The following ZNF610 variants were observed in gnomAD, a reference collection of about 807,000 sequenced individuals.
ZNF610 encodes the protein zink finger protein.
In ZNF610, 14 loss-of-function variants were observed where a neutral mutation model predicts 14.1. The observed-to-expected ratio is 0.99, with a 90% confidence interval of 0.65 to 1.55. The LOEUF (loss-of-function observed/expected upper bound fraction) is 1.55. Among genes scored for constraint, ZNF610 ranks in the 40% most tolerant of loss-of-function variants. The probability of loss-of-function intolerance (pLI) is 0.00; values close to 1 mark genes in which losing one functional copy is unlikely to be tolerated. For missense variants in ZNF610, 530 were observed against 558.0 expected (o/e 0.95, Z 0.51); for synonymous variants, 185 against 187.6 (o/e 0.99, Z 0.11).
chr19:52,352,184 T>TTG (rs1482433470), intron 3 of ZNF610, among the ~76,000 whole-genome samples: 2 of 152,078 alleles, frequency 1.3e-5, no homozygotes, highest in African/African-American at 2.4e-5. Context: ...AGGATGTTTC[T>TTG]TGTGTGTGTG....
intron 2 of ZNF610, 24 bp from the exon 3 acceptor site, chr19:52,349,130 A>G: frequency 6.4e-7 from 1 of 1,560,946 alleles, no homozygotes; most frequent in Non-Finnish European, 8.8e-7. Context: ...TCCGAGCAGT[A>G]ATCAGTGTAT....
intron 5 of ZNF610, among the ~76,000 whole-genome samples, chr19:52,364,348 T>A (rs1985921015): frequency 6.6e-6 from 1 of 152,190 alleles, no homozygotes; most frequent in Non-Finnish European, 1.5e-5. Context: ...CCATATTTGA[T>A]CATTTATTGA....
Position 52,366,044 on chromosome 19 carries a change from T to A in ZNF610, c.666T>A (p.His222Gln). Residue 222 changes from histidine to glutamine, a missense_variant, in exon 6 of 6, where the codon CAT becomes CAA. Coordinates refer to ENST00000403906, the MANE Select transcript of ZNF610 (RefSeq NM_001161425.2). The part of the protein sequence containing the change: ...VFRVRASLTN[H>Q]QVIHTAEKPY... ...GAGTCCGTGCAAGCCTTACTAACCATCAAGTAATCCATACTGCAGAGAAAC... is the reference window on the plus strand; with the variant it reads ...GAGTCCGTGCAAGCCTTACTAACCAACAAGTAATCCATACTGCAGAGAAAC... 1 of 1,614,080 alleles carries A rather than the reference T, an allele frequency of 6.2e-7. No individual in the cohort carries two copies. The highest frequency in any genetic ancestry group is 1.7e-5 in the Admixed American group (1 of 60,010).
intron 3 of ZNF610, among the ~76,000 whole-genome samples, chr19:52,352,834 GTTTT>G (rs11418927): frequency 1.3e-5 from 2 of 151,472 alleles, no homozygotes; most frequent in South Asian, 4.2e-4. Context: ...TTAATATCAT[GTTTT>G]TTTTGTTTGT....
intron 5 of ZNF610, among the ~76,000 whole-genome samples, chr19:52,355,172 C>G (rs1023030267): frequency 6.6e-6 from 1 of 152,126 alleles, no homozygotes; most frequent in East Asian, 1.9e-4. Flanking sequence ...GGGTCTCTTT[C>G]CCCTGTGGTC....
In ZNF610 at chr19:52,361,640, A is replaced by T. The variant is rs148849491; in HGVS notation, c.320-4058A>T. Among the ~76,000 whole-genome samples, 207 of 151,754 alleles carry T rather than the reference A, an allele frequency of 1.4e-3. 1 individual carries two copies. Among genetic ancestry groups the T allele is most frequent in the African/African-American group, 4.8e-3 (200 of 41,432 alleles). ...TTTAATTTAAAAATTTTTTTTTTCA[A>T]AAGAGACAGAGGTCTCATTATGTTG... is the stretch of plus-strand genomic sequence containing the variant. On this transcript the variant is annotated intron_variant, in intron 5 of 5. Transcript: ENST00000403906.
chr19:52,353,492 A>AC (rs1985360178), intron 3 of ZNF610, among the ~76,000 whole-genome samples, 190 bp from the exon 4 acceptor site: 1 of 152,034 alleles, frequency 6.6e-6, no homozygotes, highest in South Asian at 2.1e-4. Context: ...ACCTAGTAAA[A>AC]CCCCATCTGA....
upstream of ZNF610, among the ~76,000 whole-genome samples, chr19:52,335,270 A>T (rs1984324377): frequency 6.6e-6 from 1 of 151,860 alleles, no homozygotes. Context: ...ACAGAGCGAG[A>T]CTCCGTCTCA....
chr19:52,338,521 C>T (rs1352902759), intron 1 of ZNF610, among the ~76,000 whole-genome samples: 1 of 152,138 alleles, frequency 6.6e-6, no homozygotes. Context: ...CCCATCTCTA[C>T]TGAAAATACA....
intron 3 of ZNF610, 139 bp downstream of exon 3, chr19:52,349,374 C>T (rs1985133323): frequency 1.5e-6 from 2 of 1,352,512 alleles, no homozygotes; most frequent in East Asian, 2.4e-5. Context: ...TCTCTCGTGA[C>T]CCAGTGACAT....
intron 1 of ZNF610, among the ~76,000 whole-genome samples, chr19:52,342,520 C>CTT (rs761381882): frequency 1.7e-4 from 23 of 138,654 alleles, no homozygotes; most frequent in Non-Finnish European, 2.0e-4. Flanking sequence ...ATCTGTTTAA[C>CTT]TTTTTTTTTT....
chr19:52,360,960 G>A (rs934637809), intron 5 of ZNF610, among the ~76,000 whole-genome samples: 4 of 152,172 alleles, frequency 2.6e-5, no homozygotes, highest in Non-Finnish European at 5.9e-5. Flanking sequence ...ACATTTTTAA[G>A]AGTGTTGGTG....
chr19:52,342,595 T>C (rs1984738657), intron 1 of ZNF610, among the ~76,000 whole-genome samples: 1 of 151,040 alleles, frequency 6.6e-6, no homozygotes. Flanking sequence ...TCTCGGCTCA[T>C]TGGAACCTCT....
At chr19:52,356,605 TA>T (rs1245369120) in intron 5 of ZNF610, among the ~76,000 whole-genome samples, 1 of 152,212 alleles carries the variant, frequency 6.6e-6, no homozygotes, top group Non-Finnish European at 1.5e-5. Flanking sequence ...GGAGAGTCTC[TA>T]AAACTGACAC....
upstream of ZNF610, among the ~76,000 whole-genome samples, chr19:52,333,348 C>T (rs1210252057): frequency 2.0e-5 from 3 of 152,244 alleles, no homozygotes; most frequent in African/African-American, 7.2e-5. Context: ...CCTGCCCAGG[C>T]TGGCAACATC....
rs1393858879 is a variant in ZNF610, at chr19:52,366,791, A to G, written c.*24A>G. 6.4e-7 allele frequency: 1 copy of G among 1,564,232 alleles called. No individual in the cohort carries two copies. Among genetic ancestry groups the G allele is most frequent in the Non-Finnish European group, 8.8e-7 (1 of 1,142,534 alleles). On this transcript the variant is annotated 3_prime_UTR_variant, in exon 6 of 6. Transcript: ENST00000403906. Reference sequence around the variant, plus strand: ...GAATGTGGCAAAATCTTTAGTTAGAATTCACACCTAGCACAACATTGGAGG... The same window carrying G: ...GAATGTGGCAAAATCTTTAGTTAGAGTTCACACCTAGCACAACATTGGAGG...
chr19:52,363,553 G>A (rs1568655141), intron 5 of ZNF610, among the ~76,000 whole-genome samples: 1 of 152,026 alleles, frequency 6.6e-6, no homozygotes, highest in Non-Finnish European at 1.5e-5. Flanking sequence ...GTGATATTTG[G>A]TGCCTATATA....
chr19:52,330,678 G>T, the ZNF610 span, among the ~76,000 whole-genome samples: 4 of 152,252 alleles, frequency 2.6e-5, no homozygotes, highest in East Asian at 7.7e-4. Context: ...AGGACACGCT[G>T]AGGTCTGAGC....
chr19:52,342,348 G>A (rs750184979), intron 1 of ZNF610, among the ~76,000 whole-genome samples: 7 of 151,792 alleles, frequency 4.6e-5, no homozygotes, highest in Non-Finnish European at 7.4e-5. Context: ...CCTCTTCTGT[G>A]CTCCCAAATC....
Sources: gnomAD v4.1 joint callset for allele counts (sites outside exome capture counted in the v4.1 genomes callset) on GRCh38, gnomAD v4.1.1 for gene constraint, MANE v1.5 for transcripts, NCBI Gene and HGNC (gene_info 2026-07-23, HGNC 2026-07-21) for gene names.